The following TC2N variants were observed in gnomAD, a reference collection of about 807,000 sequenced individuals.
TC2N encodes tandem C2 domains nuclear protein.
TC2N carries 51 observed loss-of-function variants against 61.9 expected under a neutral mutation model. The ratio of observed to expected loss-of-function variants is 0.82; its 90% CI spans 0.66 to 1.04. TC2N has a LOEUF of 1.04. Ranked by LOEUF, TC2N falls within the 50% of genes least tolerant of loss-of-function variation. The pLI, the probability that TC2N is intolerant of heterozygous loss-of-function variation, is 0.00. For missense variants in TC2N, 556 were observed against 566.7 expected, an observed-to-expected ratio of 0.98 and a Z score of 0.19; for synonymous variants, 204 against 192.6, an observed-to-expected ratio of 1.06 and a Z score of -0.49.
At chr14:91,862,140 C>T (rs949285704) in intron 1 of TC2N, among the ~76,000 whole-genome samples, 5 of 151,464 alleles carry the variant, frequency 3.3e-5, no homozygotes, top group Admixed American at 3.3e-4. Flanking sequence ...GAGATTGAGA[C>T]CGGCCTGGGC....
intron 1 of TC2N, among the ~76,000 whole-genome samples, chr14:91,821,259 T>C (rs1887239877): frequency 1.3e-5 from 2 of 152,118 alleles, no homozygotes; most frequent in South Asian, 4.1e-4. Context: ...ATAATATTAG[T>C]ATAAGGACAG....
Position 91,787,643 on chromosome 14 carries a change from G to C in TC2N, c.1048-16C>G. ...CATGGCAAACCTGCATATCAAAAAA[G>C]TGTCATTTGGTAGTTAAGAATAAAG... On this transcript the variant is annotated splice_polypyrimidine_tract_variant and intron_variant, in intron 9 of 11. Transcript: ENST00000435962. 2 of 1,429,684 alleles carry C rather than the reference G, an allele frequency of 1.4e-6. No individual in the cohort carries two copies. The highest frequency in any genetic ancestry group is 1.2e-5 in the South Asian group (1 of 81,376). 88.6% of individuals were successfully genotyped at this position (1,429,684 alleles called of 1,614,324 possible).
chr14:91,797,153 GAAGA>G (rs1176196191), intron 8 of TC2N, among the ~76,000 whole-genome samples: 2 of 151,828 alleles, frequency 1.3e-5, no homozygotes, highest in Non-Finnish European at 2.9e-5. Flanking sequence ...AAAGAAAGAG[GAAGA>G]AAGAAACAGA....
intron 9 of TC2N, among the ~76,000 whole-genome samples, chr14:91,787,929 T>C (rs1488818081): frequency 6.6e-6 from 1 of 151,974 alleles, no homozygotes; most frequent in African/African-American, 2.4e-5. Context: ...CTGAAGAAAA[T>C]GCCAGTGAAA....
chr14:91,811,124 C>T (rs970095584), intron 3 of TC2N, among the ~76,000 whole-genome samples: 6 of 152,046 alleles, frequency 3.9e-5, no homozygotes, highest in Non-Finnish European at 7.4e-5. Context: ...AAAATTTATG[C>T]CAAAAGAAGA....
intron 1 of TC2N, among the ~76,000 whole-genome samples, chr14:91,858,341 C>T (rs1047085100): frequency 7.2e-5 from 11 of 151,900 alleles, no homozygotes; most frequent in Non-Finnish European, 1.2e-4. Flanking sequence ...GGGTTGACAT[C>T]GACATCTTCA....
chr14:91,804,846 GT>G (rs1886433066), intron 3 of TC2N, among the ~76,000 whole-genome samples: 1 of 152,102 alleles, frequency 6.6e-6, no homozygotes, highest in African/African-American at 2.4e-5. Flanking sequence ...GGGGTTACTA[GT>G]ACTACTCTAT....
intron 1 of TC2N, among the ~76,000 whole-genome samples, chr14:91,823,504 G>A (rs1887352472): frequency 7.1e-6 from 1 of 139,914 alleles, no homozygotes; most frequent in African/African-American, 2.8e-5. Context: ...TGGGCAACAA[G>A]AGCAAAATTC....
In TC2N at chr14:91,792,424, G is replaced by T. The variant is rs1885703700; in HGVS notation, c.990C>A (p.Thr330=). The T allele has an allele frequency of 1.2e-6, 2 of 1,609,964 alleles. No individual in the cohort carries two copies. Among genetic ancestry groups the T allele is most frequent in the Non-Finnish European group, 1.7e-6 (2 of 1,177,506 alleles). ...AGTAATCCATTTCCTGTGTGCTAAG[G>T]GTTCTGAGTGACATTGAGCATTCTC... ...TIGECSMSLR[T]LSTQEMDYSL... Residue 330 remains threonine, a synonymous_variant, in exon 9 of 12, where the codon ACC becomes ACA. Transcript: ENST00000435962.
At chr14:91,815,777 T>C (rs1030901866) in intron 1 of TC2N, among the ~76,000 whole-genome samples, 1 of 151,668 alleles carries the variant, frequency 6.6e-6, no homozygotes, top group African/African-American at 2.4e-5. Flanking sequence ...AATAATGATC[T>C]CCAAAAGATG....
intron 8 of TC2N, among the ~76,000 whole-genome samples, chr14:91,793,046 A>G (rs1028306245): frequency 2.6e-5 from 4 of 152,140 alleles, no homozygotes; most frequent in South Asian, 2.1e-4. Context: ...TCAGGCTTCA[A>G]TTTCTCTTTT....
intron 1 of TC2N, among the ~76,000 whole-genome samples, chr14:91,863,829 C>CAAAA (rs35582740): frequency 6.6e-5 from 4 of 61,004 alleles, no homozygotes; most frequent in Admixed American, 1.7e-4. Flanking sequence ...TCCATCTCTA[C>CAAAA]AAAAAAAAAA....
chr14:91,835,690 T>A (rs891464925), intron 1 of TC2N, among the ~76,000 whole-genome samples: 2 of 152,230 alleles, frequency 1.3e-5, no homozygotes, highest in Admixed American at 1.3e-4. Context: ...CTGGGTAGAT[T>A]GTGGTTTGCA....
intron 8 of TC2N, among the ~76,000 whole-genome samples, chr14:91,797,334 C>A (rs1885949333): frequency 6.6e-6 from 1 of 151,864 alleles, no homozygotes; most frequent in Non-Finnish European, 1.5e-5. Context: ...TAAAAAGTGA[C>A]AGAAATGAAG....
At chr14:91,823,057 T>C (rs762476564) in intron 1 of TC2N, among the ~76,000 whole-genome samples, 1 of 152,204 alleles carries the variant, frequency 6.6e-6, no homozygotes, top group South Asian at 2.1e-4. Context: ...CATAGGTACA[T>C]ACATACATGA....
intron 6 of TC2N, among the ~76,000 whole-genome samples, 153 bp downstream of exon 6, chr14:91,798,836 C>T (rs1886052614): frequency 6.6e-6 from 1 of 152,132 alleles, no homozygotes; most frequent in African/African-American, 2.4e-5. Context: ...ATGCTGATAA[C>T]ACTACCAACA....
chr14:91,840,224 A>T (rs1888139317), intron 1 of TC2N, among the ~76,000 whole-genome samples: 1 of 152,188 alleles, frequency 6.6e-6, no homozygotes, highest in South Asian at 2.1e-4. Flanking sequence ...TGAAAAATAT[A>T]TTTTATTGTG....
At chr14:91,796,837 G>A (rs1885921838) in intron 8 of TC2N, among the ~76,000 whole-genome samples, 1 of 152,088 alleles carries the variant, frequency 6.6e-6, no homozygotes, top group Non-Finnish European at 1.5e-5. Context: ...TTGTGGTACA[G>A]TACTGTTATG....
chr14:91,865,831 C>CCAGTT (rs1295677147), intron 1 of TC2N, among the ~76,000 whole-genome samples: 1 of 152,024 alleles, frequency 6.6e-6, no homozygotes, highest in Admixed American at 6.6e-5. Context: ...ACATTATATT[C>CCAGTT]CAGTTTTGTC....
Sources: allele counts gnomAD v4.1 joint callset (sites outside exome capture counted in the v4.1 genomes callset), GRCh38; gene constraint gnomAD v4.1.1; transcripts MANE v1.5; gene names NCBI Gene and HGNC (gene_info 2026-07-23, HGNC 2026-07-21).